The following IPMK variants were observed in gnomAD, a reference collection of about 807,000 sequenced individuals.
IPMK encodes the protein inositol polyphosphate multikinase.
Under a neutral mutation model 45.8 loss-of-function variants are expected in IPMK, and 17 were observed. The ratio of observed to expected loss-of-function variants is 0.37; its 90% CI spans 0.25 to 0.56. The LOEUF (loss-of-function observed/expected upper bound fraction) is 0.56. Ranked by LOEUF, IPMK falls within the 20% of genes least tolerant of loss-of-function variation. The probability of loss-of-function intolerance (pLI) is 0.79; values close to 1 mark genes in which losing one functional copy is unlikely to be tolerated. For synonymous variants in IPMK, 180 were observed against 184.3 expected (o/e 0.98, Z 0.19); for missense variants, 399 against 498.0 (o/e 0.80, Z 1.89).
intron 1 of IPMK, among the ~76,000 whole-genome samples, chr10:58,241,146 G>A (rs537101363): frequency 6.6e-6 from 1 of 152,236 alleles, no homozygotes; most frequent in East Asian, 1.9e-4. Flanking sequence ...GGGGTGGGAA[G>A]GAAACTCATA....
At chr10:58,228,780 A>G (rs1169634806) in intron 2 of IPMK, among the ~76,000 whole-genome samples, 1 of 152,196 alleles carries the variant, frequency 6.6e-6, no homozygotes, top group African/African-American at 2.4e-5. Context: ...TGATCCACCC[A>G]TCTCAGCCTA....
intron 2 of IPMK, among the ~76,000 whole-genome samples, chr10:58,233,421 C>T (rs997259345): frequency 6.6e-6 from 1 of 152,142 alleles, no homozygotes; most frequent in African/African-American, 2.4e-5. Flanking sequence ...CAAAAATCCT[C>T]AATAAAATAC....
chr10:58,215,938 C>A (rs116141259), intron 4 of IPMK, among the ~76,000 whole-genome samples: 101 of 151,868 alleles, frequency 6.7e-4, no homozygotes, highest in African/African-American at 2.3e-3. Context: ...ACTATGTTCC[C>A]GAACCAGAGA....
At chr10:58,261,649 T>C (rs926458287) in intron 1 of IPMK, among the ~76,000 whole-genome samples, 1 of 152,002 alleles carries the variant, frequency 6.6e-6, no homozygotes, top group Non-Finnish European at 1.5e-5. Flanking sequence ...AGTGGCACAG[T>C]CTCGGCTCAC....
chr10:58,255,634 G>C (rs1361625504), intron 1 of IPMK, among the ~76,000 whole-genome samples: 1 of 151,970 alleles, frequency 6.6e-6, no homozygotes, highest in African/African-American at 2.4e-5. Flanking sequence ...CACCATCTAG[G>C]TAATTTATAT....
intron 2 of IPMK, among the ~76,000 whole-genome samples, chr10:58,232,952 G>A (rs1035647001): frequency 4.0e-5 from 6 of 151,818 alleles, no homozygotes; most frequent in African/African-American, 1.5e-4. Flanking sequence ...AAAGAAGAGA[G>A]AAGAATCAAA....
rs545405287 is a variant in IPMK at position 58,192,585 on chromosome 10, C to G, written c.*3491G>C. ...CTATATCTCTATTTTAATTAAGTCCCCAATCCCACCCCATCCAAAGAGAAT... is the reference window on the plus strand; with the variant it reads ...CTATATCTCTATTTTAATTAAGTCCGCAATCCCACCCCATCCAAAGAGAAT... On this transcript the variant is annotated 3_prime_UTR_variant, in exon 6 of 6. Transcript: ENST00000373935. 13 of 151,942 alleles carry G rather than the reference C, an allele frequency of 8.6e-5. No homozygotes were observed. Among genetic ancestry groups the G allele is most frequent in the Admixed American group, 7.9e-4 (12 of 15,242 alleles). 9.4% of individuals were successfully genotyped at this position (151,942 alleles called of 1,614,324 possible).
At chr10:58,224,117 T>C (rs1838377959) in intron 3 of IPMK, among the ~76,000 whole-genome samples, 1 of 152,166 alleles carries the variant, frequency 6.6e-6, no homozygotes, top group African/African-American at 2.4e-5. Context: ...GTAGAGACCT[T>C]GGGTCCCCAG....
At chr10:58,259,749 AG>A (rs905640393) in intron 1 of IPMK, among the ~76,000 whole-genome samples, 7 of 148,836 alleles carry the variant, frequency 4.7e-5, no homozygotes, top group Non-Finnish European at 1.0e-4. Flanking sequence ...CTTCGGTGGG[AG>A]GATCACTTGA....
At chr10:58,213,700 A>G (rs897566650) in intron 4 of IPMK, among the ~76,000 whole-genome samples, 8 of 150,596 alleles carry the variant, frequency 5.3e-5, no homozygotes, top group African/African-American at 2.0e-4. Context: ...AAAAAAAGAA[A>G]AAAAAAAAGA....
intron 4 of IPMK, among the ~76,000 whole-genome samples, chr10:58,201,079 A>G (rs1053731301): frequency 4.6e-5 from 7 of 152,222 alleles, no homozygotes; most frequent in African/African-American, 1.7e-4. Flanking sequence ...AACAAGAAAC[A>G]AAGTGTTTAA....
chr10:58,253,605 G>A (rs1003006252), intron 1 of IPMK, among the ~76,000 whole-genome samples: 3 of 151,794 alleles, frequency 2.0e-5, no homozygotes, highest in Non-Finnish European at 2.9e-5. Context: ...GGGCATGGTG[G>A]CATGCACTTG....
rs555720990 is a variant in IPMK at position 58,203,036 on chromosome 10, C to T, written c.547-3715G>A. ...GGACTGGGGCAATGTAAATTGAAAACCTTTTGGAAAGAATTCACCATTCTA... is the reference window on the plus strand; with the variant it reads ...GGACTGGGGCAATGTAAATTGAAAATCTTTTGGAAAGAATTCACCATTCTA... On this transcript the variant is annotated intron_variant, in intron 4 of 5. Transcript: ENST00000373935. 6.5e-4 allele frequency among the ~76,000 whole-genome samples: 99 copies of T among 152,146 alleles called. 1 individual carries two copies. Among genetic ancestry groups the T allele is most frequent in the African/African-American group, 2.3e-3 (95 of 41,492 alleles).
chr10:58,253,460 A>G (rs1475263605), intron 1 of IPMK, among the ~76,000 whole-genome samples: 1 of 152,070 alleles, frequency 6.6e-6, no homozygotes, highest in Admixed American at 6.6e-5. Flanking sequence ...CAGGCACAGT[A>G]GCTCAAGCCT....
chr10:58,247,328 T>G (rs375086628), intron 1 of IPMK, among the ~76,000 whole-genome samples: 2 of 151,538 alleles, frequency 1.3e-5, no homozygotes. Context: ...GGATTATAAA[T>G]CATGCTGCTA....
intron 4 of IPMK, among the ~76,000 whole-genome samples, chr10:58,209,992 C>T (rs1838133577): frequency 6.6e-6 from 1 of 151,960 alleles, no homozygotes; most frequent in African/African-American, 2.4e-5. Flanking sequence ...TGGGCAATGC[C>T]ATAAAGCTCC....
chr10:58,252,183 A>C (rs1024593038), intron 1 of IPMK, among the ~76,000 whole-genome samples: 8 of 152,232 alleles, frequency 5.3e-5, no homozygotes, highest in Non-Finnish European at 8.8e-5. Flanking sequence ...GCTTATAAAA[A>C]ACATCTTGTA....
intron 2 of IPMK, among the ~76,000 whole-genome samples, chr10:58,235,158 C>T (rs1299389569): frequency 6.6e-6 from 1 of 152,118 alleles, no homozygotes; most frequent in Non-Finnish European, 1.5e-5. Context: ...ATTAAAAAGT[C>T]AGGAAACAAC....
rs559384320 is a variant in IPMK, at chr10:58,267,657, T to C, written c.-46A>G. Reference sequence around the variant, plus strand: ...ACGGCAGCGAGAGTAGGAAAAAAAATAGGGCGAGGGAGGGGGCGCCGGAGA... The same window carrying C: ...ACGGCAGCGAGAGTAGGAAAAAAAACAGGGCGAGGGAGGGGGCGCCGGAGA... On this transcript the variant is annotated 5_prime_UTR_variant, in exon 1 of 6. Transcript: ENST00000373935. 8.4e-6 allele frequency: 11 copies of C among 1,311,042 alleles called. No individual in the cohort carries two copies. The highest frequency in any genetic ancestry group is 5.9e-5 in the African/African-American group (4 of 68,234). 81.2% of individuals were successfully genotyped at this position (1,311,042 alleles called of 1,614,324 possible).
Sources: gnomAD v4.1 joint callset for allele counts (sites outside exome capture counted in the v4.1 genomes callset) on GRCh38, gnomAD v4.1.1 for gene constraint, MANE v1.5 for transcripts, NCBI Gene and HGNC (gene_info 2026-07-23, HGNC 2026-07-21) for gene names.